Variants in ANKRD31 observed in about 807,000 individuals in gnomAD.
ANKRD31 encodes the protein ankyrin repeat domain 31, also known as ankyrin repeat domain-containing protein 31.
Under a neutral mutation model 186.0 loss-of-function variants are expected in ANKRD31, and 147 were observed. The observed-to-expected ratio is 0.79, with a 90% confidence interval of 0.69 to 0.91. The LOEUF (loss-of-function observed/expected upper bound fraction) is 0.91, where lower values mean the gene tolerates loss of function less well. Among genes scored for constraint, ANKRD31 ranks in the 40% least tolerant of loss-of-function variants. The pLI is 0.00. For synonymous variants in ANKRD31, 673 were observed against 736.4 expected (o/e 0.91, Z 1.39); for missense variants, 1,986 against 2,148.8 (o/e 0.92, Z 1.50).
rs766593556 is a variant in ANKRD31 at position 75,196,109 on chromosome 5, G to T, written c.539C>A (p.Ser180Ter). 1 of 1,536,422 alleles carries T rather than the reference G, an allele frequency of 6.5e-7. No homozygotes were observed. Among genetic ancestry groups the T allele is most frequent in the South Asian group, 1.2e-5 (1 of 83,848 alleles). Residue 180 changes from serine to a stop codon, truncating the protein, a stop_gained, in exon 7 of 26, where the codon TCA becomes TAA. Coordinates refer to ENST00000506364, the MANE Select transcript of ANKRD31 (RefSeq NM_001372053.1). LOFTEE classifies it high-confidence loss of function. ...VSDTVAVKET[S>*]LVEPEKILAA... is the part of the protein sequence containing the mutation. The stretch of plus-strand genomic sequence containing the variant: ...TAAAATCTTCTCTGGCTCTACTAAT[G>T]ATGTCTCCTTTACAGCAACTGTATC...
intron 4 of ANKRD31, among the ~76,000 whole-genome samples, chr5:75,209,843 C>T (rs923023491): frequency 6.6e-6 from 1 of 152,088 alleles, no homozygotes; most frequent in Non-Finnish European, 1.5e-5. Context: ...GTGAAACTGG[C>T]TTCTTTTTAT....
chr5:75,232,279 C>A (rs1046954455), intron 1 of ANKRD31, among the ~76,000 whole-genome samples: 4 of 151,820 alleles, frequency 2.6e-5, no homozygotes, highest in African/African-American at 9.7e-5. Flanking sequence ...TTGTTTTTTT[C>A]TTTTCAGACA....
chr5:75,158,843 A>G (rs975265595), intron 11 of ANKRD31, among the ~76,000 whole-genome samples: 23 of 152,042 alleles, frequency 1.5e-4, no homozygotes, highest in African/African-American at 5.6e-4. Context: ...GAAAAGAAAC[A>G]CTAAAGTATG....
At chr5:75,145,871 AC>A in intron 14 of ANKRD31, 115 bp downstream of exon 14, 1 of 924,730 alleles carries the variant, frequency 1.1e-6, no homozygotes, top group Non-Finnish European at 1.5e-6. Context: ...AATATGGCCC[AC>A]ATGTCCTCAT....
chr5:75,195,482 C>T (rs566965227), intron 7 of ANKRD31, 149 bp downstream of exon 7: 1 of 647,148 alleles, frequency 1.5e-6, no homozygotes, highest in South Asian at 2.3e-5. Context: ...TTGATTTTAA[C>T]ACAATGAAAA....
At chr5:75,138,107 C>A in intron 16 of ANKRD31, 109 bp from the exon 17 acceptor site, 1 of 931,930 alleles carries the variant, frequency 1.1e-6, no homozygotes, top group South Asian at 3.7e-5. Flanking sequence ...CATATTGATT[C>A]ATATGTATAT....
At chr5:75,068,708 T>C (rs1204795699) in intron 25 of ANKRD31, 44 bp from the exon 26 acceptor site, 8 of 1,449,456 alleles carry the variant, frequency 5.5e-6, no homozygotes, top group Non-Finnish European at 6.3e-6. Context: ...CCCTCTGAAA[T>C]TTAAGATGTA....
At chr5:75,137,680 T>C (rs1406431925) in intron 17 of ANKRD31, among the ~76,000 whole-genome samples, 176 bp downstream of exon 17, 1 of 152,188 alleles carries the variant, frequency 6.6e-6, no homozygotes. Context: ...TTCATTAGGA[T>C]ACATAGATTT....
intron 6 of ANKRD31, among the ~76,000 whole-genome samples, chr5:75,198,740 T>C (rs773911018): frequency 1.1e-4 from 16 of 152,170 alleles, no homozygotes; most frequent in Non-Finnish European, 1.6e-4. Context: ...TAAAGATTTG[T>C]GGAGTGAAAG....
chr5:75,105,287 G>C (rs538013728), intron 21 of ANKRD31, 69 bp from the exon 22 acceptor site: 19 of 1,358,632 alleles, frequency 1.4e-5, no homozygotes, highest in Non-Finnish European at 1.8e-5. Flanking sequence ...GTCACTTAGA[G>C]GTTAAAGATA....
chr5:75,150,751 T>C lies in ANKRD31; in HGVS notation c.1853-2123A>G, dbSNP rs116570606. Among the ~76,000 whole-genome samples the C allele has an allele frequency of 3.1e-3, 467 of 152,118 alleles. 2 individuals are homozygous for C. The highest frequency in any genetic ancestry group is 5.1e-3 in the Non-Finnish European group (349 of 67,928). ...ATTCCCAGAAGAGCAAAACAATGCA[T>C]GTTGTAATTATTTAAAATAGAGAAG... On this transcript the variant is annotated intron_variant, in intron 12 of 25. Coordinates refer to ENST00000506364, the MANE Select transcript of ANKRD31 (RefSeq NM_001372053.1).
At position 75,174,879 on chromosome 5, in the gene ANKRD31, G is replaced by A. The variant is rs774373755; in HGVS notation, c.1565-5758C>T. ...TTTGACGCAGCCATCCCATTACTGGGTATACACCCAAAGGATTGTAAATCA... is the reference window on the plus strand; with the variant it reads ...TTTGACGCAGCCATCCCATTACTGGATATACACCCAAAGGATTGTAAATCA... On this transcript the variant is annotated intron_variant, in intron 10 of 25. Transcript: ENST00000506364. Among the ~76,000 whole-genome samples, 6 of 152,284 alleles carry A rather than the reference G, an allele frequency of 3.9e-5. No homozygotes were observed. The East Asian group carries it at 1.2e-3, about 29-fold the overall frequency.
chr5:75,181,119 A>C (rs537973115), intron 10 of ANKRD31, among the ~76,000 whole-genome samples: 1 of 152,300 alleles, frequency 6.6e-6, no homozygotes, highest in East Asian at 1.9e-4. Flanking sequence ...ATGCAGCCAA[A>C]AAACACATGA....
intron 5 of ANKRD31, among the ~76,000 whole-genome samples, chr5:75,205,128 A>G (rs1329642521): frequency 6.6e-6 from 1 of 152,194 alleles, no homozygotes; most frequent in Non-Finnish European, 1.5e-5. Flanking sequence ...AGCCTCCCAA[A>G]GTGCTGGGAT....
intron 10 of ANKRD31, among the ~76,000 whole-genome samples, chr5:75,187,019 C>CAG (rs1160849464): frequency 7.9e-6 from 1 of 127,228 alleles, no homozygotes; most frequent in African/African-American, 3.7e-5. Context: ...GTATGAGACA[C>CAG]AGAGTGTGTG....
At chr5:75,230,497 A>G (rs1757882301) in intron 2 of ANKRD31, 65 bp downstream of exon 2, 5 of 1,265,818 alleles carry the variant, frequency 4.0e-6, no homozygotes, top group African/African-American at 1.5e-5. Context: ...GAACCTATCA[A>G]TGACATTAAA....
intron 25 of ANKRD31, among the ~76,000 whole-genome samples, chr5:75,072,795 G>C (rs1028579432): frequency 3.9e-5 from 6 of 152,116 alleles, no homozygotes; most frequent in African/African-American, 1.4e-4. Flanking sequence ...GCCAATTTTG[G>C]TATCATTTTT....
chr5:75,127,451 A>G (rs1749344115), intron 17 of ANKRD31, among the ~76,000 whole-genome samples: 3 of 152,168 alleles, frequency 2.0e-5, no homozygotes, highest in South Asian at 4.1e-4. Flanking sequence ...AGAAAGAAAT[A>G]TCTAGCCCCA....
At chr5:75,121,052 G>A (rs1334773629) in intron 17 of ANKRD31, among the ~76,000 whole-genome samples, 9 of 151,880 alleles carry the variant, frequency 5.9e-5, no homozygotes, top group South Asian at 2.1e-4. Context: ...GTGTGGTGGC[G>A]TGCGCCTGTA....
Sources: gnomAD v4.1 joint callset for allele counts (sites outside exome capture counted in the v4.1 genomes callset) on GRCh38, gnomAD v4.1.1 for gene constraint, MANE v1.5 for transcripts, NCBI Gene and HGNC (gene_info 2026-07-23, HGNC 2026-07-21) for gene names.